The following ZFAND4 variants were observed in gnomAD, a reference collection of about 807,000 sequenced individuals.
The protein encoded by ZFAND4 is AN1-type zinc finger protein 4.
Under a neutral mutation model 64.4 loss-of-function variants are expected in ZFAND4, and 43 were observed. The ratio of observed to expected loss-of-function variants is 0.67; its 90% CI spans 0.52 to 0.86. The LOEUF (loss-of-function observed/expected upper bound fraction) is 0.86, where lower values mean the gene tolerates loss of function less well. ZFAND4 is among the 40% of genes least tolerant of loss of function. The pLI is 0.00. For synonymous variants in ZFAND4, 296 were observed against 305.7 expected (o/e 0.97, Z 0.33); for missense variants, 929 against 859.8 (o/e 1.08, Z -1.01).
intron 7 of ZFAND4, 31 bp downstream of exon 7, chr10:45,625,917 AACT>A: frequency 6.4e-7 from 1 of 1,574,622 alleles, no homozygotes; most frequent in South Asian, 1.2e-5. Context: ...CTACAAGGAT[AACT>A]ACTAGAGCAT....
intron 5 of ZFAND4, among the ~76,000 whole-genome samples, chr10:45,647,574 T>C (rs1046730649): frequency 6.6e-6 from 1 of 152,108 alleles, no homozygotes; most frequent in East Asian, 1.9e-4. Context: ...CTGCCTTTCA[T>C]GCATAATAAA....
chr10:45,623,203 A>G (rs1160217588), intron 8 of ZFAND4, among the ~76,000 whole-genome samples: 1 of 152,216 alleles, frequency 6.6e-6, no homozygotes, highest in Non-Finnish European at 1.5e-5. Flanking sequence ...GTGGAAAACA[A>G]TATGACGGTT....
intron 4 of ZFAND4, chr10:45,650,275 GC>G (rs1156742297): frequency 6.6e-6 from 1 of 152,082 alleles, no homozygotes; most frequent in Non-Finnish European, 1.5e-5. Flanking sequence ...TCATGTCTCA[GC>G]CTCCTGAGTA....
intron 6 of ZFAND4, among the ~76,000 whole-genome samples, chr10:45,632,022 G>A (rs1053034624): frequency 2.0e-5 from 3 of 152,200 alleles, no homozygotes; most frequent in African/African-American, 7.2e-5. Context: ...TAACCAAAAT[G>A]TATGGGGAAA....
In ZFAND4 at chr10:45,662,666, G is replaced by A. The variant is rs888395725; in HGVS notation, c.184+876C>T. The A allele has an allele frequency of 1.2e-5, 12 of 985,418 alleles. No individual in the cohort carries two copies. The African/African-American group carries it at 2.1e-4, about 17-fold the overall frequency. 61.0% of individuals were successfully genotyped at this position (985,418 alleles called of 1,614,324 possible). On this transcript the variant is annotated intron_variant, in intron 2 of 9. Transcript: ENST00000344646. ...TGGACTCGGCCAGCCACTCACTTCA[G>A]TAGGATCTCCTGGGTCTAGAGAAAT...
At chr10:45,655,909 T>G (rs1003416634) in intron 2 of ZFAND4, among the ~76,000 whole-genome samples, 3 of 152,158 alleles carry the variant, frequency 2.0e-5, no homozygotes, top group Non-Finnish European at 2.9e-5. Flanking sequence ...GCCAGATGGA[T>G]TCACAGACAA....
intron 5 of ZFAND4, among the ~76,000 whole-genome samples, chr10:45,641,440 T>C (rs1319803324): frequency 2.6e-5 from 4 of 152,224 alleles, no homozygotes; most frequent in Non-Finnish European, 1.5e-5. Flanking sequence ...GTATATTCCT[T>C]AATGTTTCTG....
At chr10:45,622,592 T>C (rs1410351232) in intron 8 of ZFAND4, among the ~76,000 whole-genome samples, 2 of 152,218 alleles carry the variant, frequency 1.3e-5, no homozygotes, top group Admixed American at 1.3e-4. Context: ...AGAGCAGTGG[T>C]TCCATTTCTA....
intron 4 of ZFAND4, among the ~76,000 whole-genome samples, chr10:45,649,502 C>A (rs1326890826): frequency 6.6e-6 from 1 of 152,170 alleles, no homozygotes; most frequent in Non-Finnish European, 1.5e-5. Context: ...TGCTCTACAA[C>A]CCTTTAAAAA....
At chr10:45,640,419 T>G (rs1375688731) in intron 5 of ZFAND4, 1 of 925,120 alleles carries the variant, frequency 1.1e-6, no homozygotes, top group South Asian at 1.6e-5. Context: ...GAGGAGATTC[T>G]CACTAAAAAA....
At chr10:45,635,333 A>G (rs1354773022) in intron 6 of ZFAND4, among the ~76,000 whole-genome samples, 3 of 152,114 alleles carry the variant, frequency 2.0e-5, no homozygotes, top group Non-Finnish European at 4.4e-5. Flanking sequence ...TGCACAACCA[A>G]TGGAAAAGAA....
chr10:45,659,060 A>T (rs2048312519), intron 2 of ZFAND4, among the ~76,000 whole-genome samples: 1 of 152,216 alleles, frequency 6.6e-6, no homozygotes, highest in Non-Finnish European at 1.5e-5. Context: ...TGGAAGGAAC[A>T]CTTGAATGGT....
intron 3 of ZFAND4, among the ~76,000 whole-genome samples, chr10:45,652,331 A>G (rs2047812030): frequency 6.6e-6 from 1 of 152,212 alleles, no homozygotes; most frequent in African/African-American, 2.4e-5. Context: ...CCAGAGAACA[A>G]AAGTGGCATG....
At chr10:45,639,746 C>T in intron 6 of ZFAND4, 70 bp downstream of exon 6, 2 of 1,489,894 alleles carry the variant, frequency 1.3e-6, no homozygotes, top group South Asian at 2.8e-5. Flanking sequence ...CAATGACCAA[C>T]AGACCTCATT....
intron 9 of ZFAND4, among the ~76,000 whole-genome samples, chr10:45,616,854 G>C (rs1360880911): frequency 6.6e-6 from 1 of 152,174 alleles, no homozygotes; most frequent in Non-Finnish European, 1.5e-5. Flanking sequence ...CAGCACTTTG[G>C]GAAGCCGAGG....
chr10:45,617,110 CAG>C (rs1365353518), intron 9 of ZFAND4, among the ~76,000 whole-genome samples: 5 of 150,534 alleles, frequency 3.3e-5, no homozygotes, highest in African/African-American at 2.4e-5. Flanking sequence ...AAGAATGAAA[CAG>C]GGTATAGAAC....
chr10:45,645,495 T>C (rs2047319381), intron 5 of ZFAND4, among the ~76,000 whole-genome samples: 1 of 152,216 alleles, frequency 6.6e-6, no homozygotes, highest in Non-Finnish European at 1.5e-5. Flanking sequence ...TGGCCTTAAC[T>C]ACTATTACAA....
intron 5 of ZFAND4, among the ~76,000 whole-genome samples, chr10:45,646,894 C>G (rs540435480): frequency 2.0e-5 from 3 of 152,212 alleles, no homozygotes; most frequent in Admixed American, 2.0e-4. Context: ...GTTTGAAGTG[C>G]TAACCAGATG....
intron 2 of ZFAND4, among the ~76,000 whole-genome samples, chr10:45,654,794 CA>C (rs1399040199): frequency 6.6e-6 from 1 of 151,836 alleles, no homozygotes; most frequent in Non-Finnish European, 1.5e-5. Flanking sequence ...AGGATCAATC[CA>C]ACAAGAAGAT....
Sources: gnomAD v4.1 joint callset for allele counts (sites outside exome capture counted in the v4.1 genomes callset) on GRCh38, gnomAD v4.1.1 for gene constraint, MANE v1.5 for transcripts, NCBI Gene and HGNC (gene_info 2026-07-23, HGNC 2026-07-21) for gene names.